CC2D1A: variants seen among roughly 807,000 people sequenced by gnomAD.
CC2D1A encodes the protein coiled-coil and C2 domain-containing protein 1A.
CC2D1A carries 68 observed loss-of-function variants against 123.8 expected under a neutral mutation model. The ratio of observed to expected loss-of-function variants is 0.55; its 90% CI spans 0.45 to 0.67. The LOEUF is 0.67. Ranked by LOEUF, CC2D1A falls within the 30% of genes least tolerant of loss-of-function variation. The probability of loss-of-function intolerance (pLI) is 0.00; values close to 1 mark genes in which losing one functional copy is unlikely to be tolerated. For synonymous variants in CC2D1A, 477 were observed against 528.0 expected (o/e 0.90, Z 1.32); for missense variants, 1,185 against 1,290.3 (o/e 0.92, Z 1.25).
chr19:13,913,059 G>A, intron 4 of CC2D1A, 109 bp from the exon 5 acceptor site: 1 of 1,184,580 alleles, frequency 8.4e-7, no homozygotes, highest in South Asian at 1.6e-5. Flanking sequence ...CACTGGGGCA[G>A]GGGAGGCTGG....
At chr19:13,919,376 T>G (rs1599392269) in intron 11 of CC2D1A, among the ~76,000 whole-genome samples, 174 bp downstream of exon 11, 1 of 152,234 alleles carries the variant, frequency 6.6e-6, no homozygotes, top group East Asian at 1.9e-4. Flanking sequence ...ATACAACATA[T>G]TCAAGGGTTT....
rs1489533714 is a variant in CC2D1A, at chr19:13,927,187, G to A, written c.2238G>A (p.Lys746=). The stretch of plus-strand genomic sequence containing the variant: ...CACATGCACACAGGGGGCTGTTCAA[G>A]ACTGACCGGGTGCTGGGGACAGCCC... ...FEVVHKGGLF[K]TDRVLGTAQL... is the part of the protein sequence containing the mutation. Residue 746 remains lysine (K), a synonymous_variant, in exon 22 of 29, where the codon AAG becomes AAA. Coordinates refer to ENST00000318003, the MANE Select transcript of CC2D1A (RefSeq NM_017721.5). 2.5e-6 allele frequency: 4 copies of A among 1,614,088 alleles called. No individual in the cohort carries two copies. In the Admixed American group the frequency reaches 6.7e-5, roughly 27 times the overall value.
intron 2 of CC2D1A, among the ~76,000 whole-genome samples, chr19:13,911,537 G>A (rs1173194476): frequency 4.1e-5 from 6 of 145,094 alleles, no homozygotes; most frequent in African/African-American, 1.1e-4. Context: ...TTGTTGTTGT[G>A]TGTGTGTGTT....
rs1971666181 is a variant in CC2D1A at position 13,926,964 on chromosome 19, C to T, written c.2126-14C>T. Reference sequence around the variant, plus strand: ...TGACCCCACCCAACTTCCTCTCCCTCCTTCCTCCTGCAGAGTTCAAGGAGC... The same window carrying T: ...TGACCCCACCCAACTTCCTCTCCCTTCTTCCTCCTGCAGAGTTCAAGGAGC... On this transcript the variant is annotated splice_polypyrimidine_tract_variant and intron_variant, in intron 20 of 28. Coordinates refer to ENST00000318003, the MANE Select transcript of CC2D1A (RefSeq NM_017721.5). 6 of 1,613,626 alleles carry T rather than the reference C, an allele frequency of 3.7e-6. No homozygotes were observed. Among genetic ancestry groups the T allele is most frequent in the Non-Finnish European group, 5.1e-6 (6 of 1,179,628 alleles).
In CC2D1A at chr19:13,923,324, C is replaced by T; in HGVS notation, c.1642-9C>T. On this transcript the variant is annotated splice_polypyrimidine_tract_variant and intron_variant, in intron 14 of 28. Transcript: ENST00000318003. This position sits in a 1 kb window ranked among gnomAD's most constrained non-coding sequence, Gnocchi z 5.3. ...TCCTTACCCCCGCCACCAGCCTCGT[C>T]CTCCCCAGGTGCCGCCTGCCCCTGT... The T allele has an allele frequency of 6.2e-7, 1 of 1,601,410 alleles. No individual in the cohort carries two copies. Among genetic ancestry groups the T allele is most frequent in the African/African-American group, 1.3e-5 (1 of 74,990 alleles).
chr19:13,920,566 C>T lies in CC2D1A; in HGVS notation c.1366C>T (p.Pro456Ser). The change falls in exon 13 of 29, where the codon CCT (proline) becomes TCT (serine). Residue 456 changes from proline to serine, a missense_variant. Coordinates refer to ENST00000318003, the MANE Select transcript of CC2D1A (RefSeq NM_017721.5). ...EDEVPKKQNSPVAPTAQPKAP... is the reference protein window; with the variant it reads ...EDEVPKKQNSSVAPTAQPKAP... The stretch of plus-strand genomic sequence containing the variant: ...CTCTCTTCCTCTACAGCAGAACAGC[C>T]CTGTGGCCCCCACAGCCCAGCCCAA... 6.3e-7 allele frequency: 1 copy of T among 1,589,812 alleles called. No individual in the cohort carries two copies. Among genetic ancestry groups the T allele is most frequent in the Non-Finnish European group, 8.6e-7 (1 of 1,160,836 alleles).
chr19:13,923,738 C>G lies in CC2D1A; in HGVS notation c.1867C>G (p.Leu623Val), dbSNP rs1468577369. Residue 623 changes from leucine (L) to valine (V), a missense_variant, in exon 17 of 29, where the codon CTG (leucine) becomes GTG (valine). Physicochemically the swap from Leu to Val is conservative, Grantham distance 32. Coordinates refer to ENST00000318003, the MANE Select transcript of CC2D1A (RefSeq NM_017721.5). The surrounding 1 kb of genome is among the most constrained non-coding windows in gnomAD (Gnocchi z 5.3). ...AEDCKRSMDI[L>V]KQAFVRGLPT... is the part of the protein sequence containing the mutation. ...GGACTGTAAGCGGAGCATGGACATT[C>G]TGAAGCAAGCCTTCGTCCGGGGTCT... 1 of 1,614,178 alleles carries G rather than the reference C, an allele frequency of 6.2e-7. No homozygotes were observed. Among genetic ancestry groups the G allele is most frequent in the Non-Finnish European group, 8.5e-7 (1 of 1,180,006 alleles).
intron 26 of CC2D1A, 110 bp from the exon 27 acceptor site, chr19:13,929,944 TGGGCACCTGGAGGGGGAGGGGCTC>T (rs1971830269): frequency 4.6e-6 from 1 of 215,318 alleles, no homozygotes; most frequent in African/African-American, 1.3e-4. Flanking sequence ...GGCTCGGGGA[TGGGCACCTGGAGGGGGAGGGGCTC>T]GGGGATGGGC....
rs1971491349 is a variant in CC2D1A, at chr19:13,923,714, G to A, written c.1843G>A (p.Asp615Asn). 4 of 1,614,192 alleles carry A rather than the reference G, an allele frequency of 2.5e-6. No individual in the cohort carries two copies. Among genetic ancestry groups the A allele is most frequent in the South Asian group, 1.1e-5 (1 of 91,078 alleles). The change falls in exon 17 of 29, where the codon GAC becomes AAC. Residue 615 changes from aspartate (D) to asparagine (N), a missense_variant. Physicochemically the swap from Asp to Asn is conservative, Grantham distance 23 (BLOSUM62 1). Coordinates refer to ENST00000318003, the MANE Select transcript of CC2D1A (RefSeq NM_017721.5). The surrounding 1 kb of genome is among the most constrained non-coding windows in gnomAD (Gnocchi z 5.3). ...CGGCAGGTTTGAAAAGTTGGCGGAG[G>A]ACTGTAAGCGGAGCATGGACATTCT... Reference protein sequence around the residue: ...ETTKFEKLAEDCKRSMDILKQ... With the variant: ...ETTKFEKLAENCKRSMDILKQ...
chr19:13,912,103 G>A (rs1971020047), intron 2 of CC2D1A, among the ~76,000 whole-genome samples: 2 of 152,108 alleles, frequency 1.3e-5, no homozygotes, highest in African/African-American at 4.8e-5. Context: ...CTTCTGCCTC[G>A]GCCTCCCAAA....
At position 13,921,037 on chromosome 19, in the gene CC2D1A, A is replaced by G. The variant is rs1358248512; in HGVS notation, c.1641+115A>G. 7 of 982,538 alleles carry G rather than the reference A, an allele frequency of 7.1e-6. No homozygotes were observed. The African/African-American group carries it at 1.2e-4, about 16-fold the overall frequency. 60.9% of individuals were successfully genotyped at this position (982,538 alleles called of 1,614,324 possible). On this transcript the variant is annotated intron_variant, in intron 14 of 28. Transcript: ENST00000318003. ...TCAAGGTCCAGCTGCTGTAACAAAT[A>G]GGTCCTCCCAAGACAATGGCTGAAA...
At chr19:13,916,398 C>T (rs753033467) in intron 6 of CC2D1A, among the ~76,000 whole-genome samples, 40 of 151,752 alleles carry the variant, frequency 2.6e-4, no homozygotes, top group Non-Finnish European at 4.3e-4. Flanking sequence ...AACTGCGTCT[C>T]TATAAAAAAT....
chr19:13,913,502 G>C lies in CC2D1A; in HGVS notation c.612G>C (p.Thr204=), dbSNP rs368685699. Residue 204 remains threonine (T), a synonymous_variant, in exon 6 of 29, where the codon ACG becomes ACC. Transcript: ENST00000318003. ...CCATAGGAAAAGGCCCGGCGTCCAC[G>C]CCTACCTACAGCCCTGCACCCACCC... The part of the protein sequence containing the change: ...PVAIGKGPAS[T]PTYSPAPTQP... 1.9e-6 allele frequency: 3 copies of C among 1,614,038 alleles called. No homozygotes were observed. The highest frequency in any genetic ancestry group is 2.5e-6 in the Non-Finnish European group (3 of 1,180,050).
intron 17 of CC2D1A, among the ~76,000 whole-genome samples, chr19:13,925,676 C>G (rs1971566303): frequency 6.6e-6 from 1 of 151,154 alleles, no homozygotes; most frequent in Non-Finnish European, 1.5e-5. Context: ...TGAGGCCAGG[C>G]TGGGAGGCCA....
intron 6 of CC2D1A, among the ~76,000 whole-genome samples, chr19:13,914,542 G>A (rs930986696): frequency 1.3e-5 from 2 of 151,698 alleles, no homozygotes; most frequent in African/African-American, 2.4e-5. Context: ...CACTGTGTTA[G>A]CCAGGATGGT....
rs1599416357 is a variant in CC2D1A at position 13,930,513 on chromosome 19, A to C, written c.*118A>C. ...TCAGCGGACAATCGGTTCTGGACTC[A>C]CCCCTCATCCGGGCCCCCAGCCCCG... On this transcript the variant is annotated 3_prime_UTR_variant, in exon 29 of 29. Coordinates refer to ENST00000318003, the MANE Select transcript of CC2D1A (RefSeq NM_017721.5). This position sits in a 1 kb window ranked among gnomAD's most constrained non-coding sequence, Gnocchi z 6.8. 37 of 1,219,902 alleles carry C rather than the reference A, an allele frequency of 3.0e-5. No homozygotes were observed. Among genetic ancestry groups the C allele is most frequent in the Middle Eastern group, 2.8e-4 (1 of 3,522 alleles). The allele number at this position is 1,219,902 out of a possible 1,614,324, so 75.6% of individuals were successfully genotyped here. A position where few individuals can be genotyped will look rare whatever the true frequency, so the allele number is the denominator to read the frequency against.
chr19:13,926,498 C>T lies in CC2D1A; in HGVS notation c.1941-19C>T. The T allele has an allele frequency of 6.2e-7, 1 of 1,612,250 alleles. No homozygotes were observed. The highest frequency in any genetic ancestry group is 2.2e-5 in the East Asian group (1 of 44,830). ...TCTGTTTCCCTGCCCACCTGCCTGC[C>T]CACCTGCCCACCCGGAAGGATCTTC... On this transcript the variant is annotated intron_variant, in intron 17 of 28. Coordinates refer to ENST00000318003, the MANE Select transcript of CC2D1A (RefSeq NM_017721.5).
Position 13,930,626 on chromosome 19 carries a change from TC to T in CC2D1A, c.*233del. ...CCAGGCCTGGCTGGGCCCTGGAGAGTCCTGTTTGCACAGCCCAGGGGTGTCC... is the reference window on the plus strand; with the variant it reads ...CCAGGCCTGGCTGGGCCCTGGAGAGTCTGTTTGCACAGCCCAGGGGTGTCC... On this transcript the variant is annotated 3_prime_UTR_variant, in exon 29 of 29. Transcript: ENST00000318003. This position sits in a 1 kb window ranked among gnomAD's most constrained non-coding sequence, Gnocchi z 6.8. 1.7e-6 allele frequency: 1 copy of T among 604,944 alleles called. No homozygotes were observed. Among genetic ancestry groups the T allele is most frequent in the East Asian group, 2.8e-5 (1 of 36,014 alleles). The allele number at this position is 604,944 out of a possible 1,614,324, so 37.5% of individuals were successfully genotyped here.
chr19:13,909,536 G>A (rs551469791), intron 1 of CC2D1A, among the ~76,000 whole-genome samples: 1 of 152,262 alleles, frequency 6.6e-6, no homozygotes, highest in African/African-American at 2.4e-5. Context: ...CCCAGCCAGG[G>A]GCCTGCTTTT....
Sources: gnomAD v4.1 joint callset for allele counts (sites outside exome capture counted in the v4.1 genomes callset) on GRCh38, gnomAD v4.1.1 for gene constraint, Gnocchi (gnomAD v3.1) non-coding constraint, MANE v1.5 for transcripts, NCBI Gene and HGNC (gene_info 2026-07-23, HGNC 2026-07-21) for gene names.